The following XNDC1N variants were observed in gnomAD, a reference collection of about 807,000 sequenced individuals.
The protein encoded by XNDC1N is protein XNDC1N.
the XNDC1N span, among the ~76,000 whole-genome samples, chr11:71,913,892 G>C: frequency 6.6e-6 from 1 of 152,086 alleles, no homozygotes; most frequent in East Asian, 1.9e-4. Flanking sequence ...TCTATAAATG[G>C]AACAGCAAAG....
chr11:71,906,393 G>A, the XNDC1N span, among the ~76,000 whole-genome samples: 1 of 152,110 alleles, frequency 6.6e-6, no homozygotes. Flanking sequence ...GTCATTAAGA[G>A]TACAATTGCA....
At chr11:71,903,619 T>C in the XNDC1N span, 5 of 581,354 alleles carry the variant, frequency 8.6e-6, no homozygotes, top group South Asian at 9.5e-5. Flanking sequence ...TTTCTGTGGC[T>C]TCCTAGATTT....
chr11:71,888,808 G>A, the XNDC1N span, among the ~76,000 whole-genome samples: 1 of 152,194 alleles, frequency 6.6e-6, no homozygotes, highest in African/African-American at 2.4e-5. Context: ...CCGACTACCA[G>A]ACTTTGCTCT....
At chr11:71,913,585 G>A in the XNDC1N span, among the ~76,000 whole-genome samples, 5 of 150,932 alleles carry the variant, frequency 3.3e-5, no homozygotes, top group Non-Finnish European at 7.4e-5. Flanking sequence ...CTTGAACCTG[G>A]GAGGCAGAGG....
At chr11:71,868,794 C>T in the XNDC1N span, among the ~76,000 whole-genome samples, 1 of 152,104 alleles carries the variant, frequency 6.6e-6, no homozygotes, top group Admixed American at 6.5e-5. Context: ...TGCAGGGGTT[C>T]TCTGCATTTC....
chr11:71,914,039 T>C, the XNDC1N span, among the ~76,000 whole-genome samples: 3 of 152,358 alleles, frequency 2.0e-5, no homozygotes, highest in East Asian at 3.9e-4. Flanking sequence ...CCAAGAGCTC[T>C]GATGGAGATG....
chr11:71,880,439 A>G, the XNDC1N span, among the ~76,000 whole-genome samples: 2 of 152,112 alleles, frequency 1.3e-5, no homozygotes, highest in African/African-American at 4.8e-5. Context: ...AGCAGTTTAT[A>G]AAGTCTGTTT....
chr11:71,868,752 T>G, the XNDC1N span, among the ~76,000 whole-genome samples: 3 of 152,168 alleles, frequency 2.0e-5, no homozygotes, highest in African/African-American at 7.2e-5. Flanking sequence ...TGATGACATA[T>G]GTCTAGGGGA....
At chr11:71,898,989 GA>G in the XNDC1N span, among the ~76,000 whole-genome samples, 1 of 152,134 alleles carries the variant, frequency 6.6e-6, no homozygotes, top group East Asian at 1.9e-4. Context: ...AGAAAAGAAA[GA>G]AGGGAAGAAT....
At chr11:71,925,247 G>GA in the XNDC1N span, among the ~76,000 whole-genome samples, 2 of 152,046 alleles carry the variant, frequency 1.3e-5, no homozygotes, top group Admixed American at 6.6e-5. Context: ...GCTCTCGGCG[G>GA]ACAGGTTTCA....
At chr11:71,904,142 G>A in the XNDC1N span, 7 of 468,918 alleles carry the variant, frequency 1.5e-5, no homozygotes, top group Non-Finnish European at 3.0e-5. Flanking sequence ...CTTCTTATCT[G>A]TTCCATTCCT....
the XNDC1N span, chr11:71,903,930 A>C: frequency 2.2e-6 from 1 of 447,952 alleles, no homozygotes; most frequent in Admixed American, 2.3e-5. Context: ...CTCACCTGTC[A>C]GTTGTTTGCT....
chr11:71,877,573 G>A, the XNDC1N span, among the ~76,000 whole-genome samples: 3 of 152,256 alleles, frequency 2.0e-5, no homozygotes, highest in East Asian at 1.9e-4. Context: ...GGGAGGCAGA[G>A]GTTGCAGTGA....
chr11:71,910,671 C>A, the XNDC1N span, among the ~76,000 whole-genome samples: 1 of 152,150 alleles, frequency 6.6e-6, no homozygotes, highest in African/African-American at 2.4e-5. Flanking sequence ...ACAGCAGGTA[C>A]GTTACCTGGG....
chr11:71,917,269 C>T, the XNDC1N span: 6 of 674,796 alleles, frequency 8.9e-6, no homozygotes, highest in Non-Finnish European at 8.1e-6. Context: ...TTGTCCCAGT[C>T]TCCCAAAGTG....
chr11:71,890,800 C>T, the XNDC1N span, among the ~76,000 whole-genome samples: 1,876 of 140,120 alleles, frequency 0.013, no homozygotes, highest in African/African-American at 0.034. Flanking sequence ...CCTCTTCCCC[C>T]CTGGATATTA....
At chr11:71,910,576 G>A in the XNDC1N span, among the ~76,000 whole-genome samples, 11 of 152,276 alleles carry the variant, frequency 7.2e-5, no homozygotes, top group Middle Eastern at 6.8e-3. Flanking sequence ...ACGGCATTCG[G>A]GTGTGCCAAG....
the XNDC1N span, among the ~76,000 whole-genome samples, chr11:71,906,005 C>T: frequency 6.6e-6 from 1 of 151,168 alleles, no homozygotes; most frequent in Non-Finnish European, 1.5e-5. Flanking sequence ...GTGTACACCC[C>T]TGTAACATTA....
chr11:71,882,267 T>A, the XNDC1N span, among the ~76,000 whole-genome samples: 5,655 of 152,190 alleles, frequency 0.037, 355 homozygotes, highest in African/African-American at 0.13. Context: ...AAATTATCTT[T>A]TTTTTTTAGA....
Sources: gnomAD v4.1 joint callset for allele counts (sites outside exome capture counted in the v4.1 genomes callset) on GRCh38, gnomAD v4.1.1 for gene constraint, MANE v1.5 for transcripts, NCBI Gene and HGNC (gene_info 2026-07-23, HGNC 2026-07-21) for gene names.